CBLB: variants seen among roughly 807,000 people sequenced by gnomAD.
The protein encoded by CBLB is E3 ubiquitin-protein ligase CBL-B.
A neutral mutation model predicts 104.9 loss-of-function variants in CBLB; 31 were observed. The observed-to-expected ratio is 0.30, with a 90% CI of 0.22 to 0.40. The LOEUF (loss-of-function observed/expected upper bound fraction) is 0.40. Among genes scored for constraint, CBLB ranks in the 10% least tolerant of loss-of-function variants. The probability of loss-of-function intolerance (pLI) is 1.00; values close to 1 mark genes in which losing one functional copy is unlikely to be tolerated. For synonymous variants in CBLB, 440 were observed against 422.6 expected (o/e 1.04, Z -0.51); for missense variants, 1,062 against 1,214.6 (o/e 0.87, Z 1.87).
intron 11 of CBLB, 39 bp from the exon 12 acceptor site, chr3:105,702,498 A>AAAAC: frequency 2.7e-6 from 4 of 1,460,088 alleles, no homozygotes; most frequent in Middle Eastern, 2.3e-4. Flanking sequence ...AAAAAAAAAA[A>AAAAC]ACTAAAGGTT....
At chr3:105,668,654 T>C (rs896546185) in intron 18 of CBLB, among the ~76,000 whole-genome samples, 1 of 152,178 alleles carries the variant, frequency 6.6e-6, no homozygotes, top group African/African-American at 2.4e-5. Flanking sequence ...AACCTTAGAA[T>C]GACTAGAAAT....
At chr3:105,763,635 T>A (rs542442957) in intron 4 of CBLB, among the ~76,000 whole-genome samples, 1 of 152,322 alleles carries the variant, frequency 6.6e-6, no homozygotes, top group South Asian at 2.1e-4. Context: ...TATAAATTAG[T>A]CTCAGGTAGG....
At chr3:105,699,177 C>T (rs1010589288) in intron 12 of CBLB, among the ~76,000 whole-genome samples, 1 of 151,898 alleles carries the variant, frequency 6.6e-6, no homozygotes, top group Non-Finnish European at 1.5e-5. Context: ...GAGTGCTTAC[C>T]AAGCATTCAT....
intron 18 of CBLB, among the ~76,000 whole-genome samples, chr3:105,666,281 G>C (rs1160001969): frequency 6.6e-6 from 1 of 151,948 alleles, no homozygotes; most frequent in African/African-American, 2.4e-5. Context: ...AATTGATCAA[G>C]GAATAAAAGA....
chr3:105,838,602 T>C (rs531615833), intron 3 of CBLB, among the ~76,000 whole-genome samples: 74 of 151,088 alleles, frequency 4.9e-4, no homozygotes, highest in Non-Finnish European at 9.0e-4. Context: ...CAGAAAAACA[T>C]AAGAAGAGAA....
At chr3:105,726,332 CTGA>C (rs2073630320) in intron 9 of CBLB, among the ~76,000 whole-genome samples, 1 of 152,126 alleles carries the variant, frequency 6.6e-6, no homozygotes, top group African/African-American at 2.4e-5. Flanking sequence ...TTTGAATACG[CTGA>C]TATCTTTCTT....
At chr3:105,844,207 G>T (rs2089950802) in intron 3 of CBLB, among the ~76,000 whole-genome samples, 1 of 152,122 alleles carries the variant, frequency 6.6e-6, no homozygotes, top group Admixed American at 6.5e-5. Flanking sequence ...TATTCTAGAG[G>T]GTTCTGAGGG....
chr3:105,851,409 G>A (rs1018474089), intron 3 of CBLB, among the ~76,000 whole-genome samples: 1 of 152,100 alleles, frequency 6.6e-6, no homozygotes, highest in African/African-American at 2.4e-5. Flanking sequence ...AGATCACGGG[G>A]CATTTTTAGG....
At chr3:105,869,379 C>G (rs1291459097), upstream of CBLB, 2 of 1,342,456 alleles carry the variant, frequency 1.5e-6, no homozygotes, top group African/African-American at 3.0e-5. Context: ...GGACCGGGAG[C>G]CAAAGCCATC....
chr3:105,673,360 C>T (rs1576219379), intron 17 of CBLB: 1 of 152,176 alleles, frequency 6.6e-6, no homozygotes, highest in African/African-American at 2.4e-5. Context: ...TGAGCCTGTA[C>T]CTGGCCTGGA....
chr3:105,809,768 G>A (rs2084029688), intron 3 of CBLB, among the ~76,000 whole-genome samples: 1 of 152,054 alleles, frequency 6.6e-6, no homozygotes, highest in African/African-American at 2.4e-5. Flanking sequence ...AACAGACGAG[G>A]GATCAGATGG....
intron 4 of CBLB, among the ~76,000 whole-genome samples, chr3:105,768,288 G>GT (rs1265667663): frequency 1.3e-5 from 2 of 152,284 alleles, no homozygotes; most frequent in African/African-American, 4.8e-5. Flanking sequence ...TGAGGGATTA[G>GT]TAAGAATTGT....
chr3:105,766,752 T>G (rs905697836), intron 4 of CBLB, among the ~76,000 whole-genome samples: 1 of 152,222 alleles, frequency 6.6e-6, no homozygotes, highest in African/African-American at 2.4e-5. Context: ...ATAATCTAAG[T>G]GACTTGCTTT....
Position 105,657,807 on chromosome 3 carries a change from T to C in CBLB, c.*1163A>G, listed in dbSNP as rs1006828332. 4.8e-6 allele frequency: 1 copy of C among 206,456 alleles called. No homozygotes were observed. Among genetic ancestry groups the C allele is most frequent in the South Asian group, 1.9e-4 (1 of 5,306 alleles). 12.8% of individuals were successfully genotyped at this position (206,456 alleles called of 1,614,324 possible). A position where few individuals can be genotyped will look rare whatever the true frequency, so the allele number is the denominator to read the frequency against. On this transcript the variant is annotated 3_prime_UTR_variant, in exon 19 of 19. Transcript: ENST00000394030. ...AATTAAATATGAACTCTAATTTGAT[T>C]GCAGAGAGAAAATTACTGAGAACTT...
intron 3 of CBLB, among the ~76,000 whole-genome samples, chr3:105,830,550 G>T (rs894401922): frequency 2.6e-5 from 4 of 152,032 alleles, no homozygotes; most frequent in Admixed American, 2.6e-4. Flanking sequence ...ATTTTTTGTT[G>T]TTGTCTTAAA....
intron 14 of CBLB, among the ~76,000 whole-genome samples, chr3:105,682,796 C>T (rs188592377): frequency 3.9e-4 from 59 of 152,228 alleles, no homozygotes; most frequent in Non-Finnish European, 7.4e-5. Flanking sequence ...AGCCACCGAA[C>T]CCAGCCAAAT....
intron 9 of CBLB, among the ~76,000 whole-genome samples, chr3:105,721,146 G>A (rs1170216827): frequency 6.6e-6 from 1 of 152,182 alleles, no homozygotes; most frequent in Non-Finnish European, 1.5e-5. Flanking sequence ...CTTTAGCAAT[G>A]TGTTATTTAA....
chr3:105,814,719 T>C (rs947155429), intron 3 of CBLB, among the ~76,000 whole-genome samples: 3 of 152,142 alleles, frequency 2.0e-5, no homozygotes, highest in Non-Finnish European at 4.4e-5. Flanking sequence ...ACCGTCCTCA[T>C]TACCAATTTC....
intron 3 of CBLB, among the ~76,000 whole-genome samples, chr3:105,802,794 G>C (rs1312230519): frequency 6.6e-6 from 1 of 152,146 alleles, no homozygotes. Context: ...AAAACATTTA[G>C]AAGACACTTA....
Sources: allele counts gnomAD v4.1 joint callset (sites outside exome capture counted in the v4.1 genomes callset), GRCh38; gene constraint gnomAD v4.1.1; transcripts MANE v1.5; gene names NCBI Gene and HGNC (gene_info 2026-07-23, HGNC 2026-07-21).